The following KCNN2 variants were observed in gnomAD, a reference collection of about 807,000 sequenced individuals.
KCNN2 encodes potassium calcium-activated channel subfamily N member 2, also known as small conductance calcium-activated potassium channel protein 2.
KCNN2 carries 24 observed loss-of-function variants against 55.5 expected under a neutral mutation model. That is an observed-to-expected ratio of 0.43 (90% CI 0.31 to 0.61). The LOEUF (loss-of-function observed/expected upper bound fraction) is 0.61. Among genes scored for constraint, KCNN2 ranks in the 20% least tolerant of loss-of-function variants. The pLI is 0.08. For synonymous variants in KCNN2, 431 were observed against 336.1 expected, an observed-to-expected ratio of 1.28 and a Z score of -3.09; for missense variants, 754 against 853.6, an observed-to-expected ratio of 0.88 and a Z score of 1.45.
At chr5:114,434,314 G>A (rs932386359) in intron 3 of KCNN2, among the ~76,000 whole-genome samples, 3 of 151,666 alleles carry the variant, frequency 2.0e-5, no homozygotes, top group Admixed American at 2.0e-4. Flanking sequence ...TTGATCTCTA[G>A]CATTTCTTTT....
chr5:114,494,078 T>C (rs548141314), intron 7 of KCNN2, among the ~76,000 whole-genome samples: 1 of 152,214 alleles, frequency 6.6e-6, no homozygotes, highest in Non-Finnish European at 1.5e-5. Flanking sequence ...ATCTGATCAA[T>C]GTTTAGTTGT....
At chr5:114,089,202 T>C (rs1751084939) in intron 1 of KCNN2, among the ~76,000 whole-genome samples, 2 of 152,320 alleles carry the variant, frequency 1.3e-5, no homozygotes, top group Middle Eastern at 3.4e-3. Flanking sequence ...TGTCTTCCTT[T>C]AAAAATAGTT....
chr5:114,187,039 CATTA>C (rs1306342578), intron 1 of KCNN2, among the ~76,000 whole-genome samples: 4 of 152,096 alleles, frequency 2.6e-5, no homozygotes, highest in Non-Finnish European at 5.9e-5. Flanking sequence ...AATATATTAT[CATTA>C]ATTAAGGTTT....
chr5:114,300,253 C>G (rs1756125553), intron 2 of KCNN2, among the ~76,000 whole-genome samples: 1 of 152,160 alleles, frequency 6.6e-6, no homozygotes, highest in Non-Finnish European at 1.5e-5. Flanking sequence ...ATTGCCTCTA[C>G]TATATGTTTT....
chr5:114,233,082 G>A (rs1754396407), intron 2 of KCNN2, among the ~76,000 whole-genome samples: 2 of 145,224 alleles, frequency 1.4e-5, no homozygotes, highest in South Asian at 4.4e-4. Context: ...CACTACGCCC[G>A]GCTAATTTTT....
At chr5:114,485,904 A>G (rs1286188624) in intron 5 of KCNN2, among the ~76,000 whole-genome samples, 1 of 152,194 alleles carries the variant, frequency 6.6e-6, no homozygotes, top group African/African-American at 2.4e-5. Flanking sequence ...ACTTGGGCCC[A>G]TAGTTTAGTG....
chr5:114,387,581 G>A (rs539745257), intron 2 of KCNN2, among the ~76,000 whole-genome samples: 2 of 152,150 alleles, frequency 1.3e-5, no homozygotes, highest in Non-Finnish European at 1.5e-5. Flanking sequence ...TTGGGCTCAT[G>A]TATCACATGC....
chr5:114,165,079 T>C (rs561533206), intron 1 of KCNN2, among the ~76,000 whole-genome samples: 32 of 152,334 alleles, frequency 2.1e-4, no homozygotes, highest in African/African-American at 7.5e-4. Flanking sequence ...ATCCAAGTAG[T>C]CTGGCTTCAG....
chr5:114,309,480 G>A (rs1001515269), intron 2 of KCNN2, among the ~76,000 whole-genome samples: 1 of 152,138 alleles, frequency 6.6e-6, no homozygotes, highest in Non-Finnish European at 1.5e-5. Flanking sequence ...TGTATATGGT[G>A]AGTTTAATGT....
At chr5:114,324,268 A>G (rs1449671433) in intron 2 of KCNN2, among the ~76,000 whole-genome samples, 2 of 152,218 alleles carry the variant, frequency 1.3e-5, no homozygotes, top group Admixed American at 6.5e-5. Flanking sequence ...ACATGTGAGT[A>G]TGTTACTTTA....
intron 1 of KCNN2, among the ~76,000 whole-genome samples, chr5:114,164,748 G>A (rs1317042395): frequency 6.6e-6 from 1 of 152,090 alleles, no homozygotes; most frequent in Non-Finnish European, 1.5e-5. Flanking sequence ...CCTATAAGTT[G>A]TAGAACAACT....
At chr5:114,213,530 T>A (rs926698363) in intron 1 of KCNN2, among the ~76,000 whole-genome samples, 1 of 152,008 alleles carries the variant, frequency 6.6e-6, no homozygotes, top group African/African-American at 2.4e-5. Context: ...ATTCCTGAAA[T>A]GTCTTTATGT....
intron 3 of KCNN2, among the ~76,000 whole-genome samples, chr5:114,448,760 A>T (rs936175380): frequency 2.6e-5 from 4 of 152,226 alleles, no homozygotes; most frequent in Non-Finnish European, 4.4e-5. Flanking sequence ...GCTGGAGGCT[A>T]AGACTTCTTG....
intron 3 of KCNN2, among the ~76,000 whole-genome samples, chr5:114,446,680 C>T (rs1048912852): frequency 2.0e-5 from 3 of 152,250 alleles, no homozygotes; most frequent in South Asian, 2.1e-4. Flanking sequence ...AGGCTGGTCT[C>T]GAACTCCTGA....
chr5:114,157,834 C>A (rs1178904654), intron 1 of KCNN2, among the ~76,000 whole-genome samples: 1 of 150,194 alleles, frequency 6.7e-6, no homozygotes, highest in Non-Finnish European at 1.5e-5. Flanking sequence ...ATTTCCTTTG[C>A]CCACTTTTTG....
chr5:114,331,615 TTCAAGTACCC>T (rs1756822788), intron 2 of KCNN2, among the ~76,000 whole-genome samples: 1 of 152,222 alleles, frequency 6.6e-6, no homozygotes, highest in Admixed American at 6.5e-5. Flanking sequence ...ATCAACTGCT[TTCAAGTACCC>T]TCAAGTACTT....
chr5:114,293,924 G>A (rs1335848673), intron 2 of KCNN2, among the ~76,000 whole-genome samples: 1 of 152,120 alleles, frequency 6.6e-6, no homozygotes, highest in Non-Finnish European at 1.5e-5. Context: ...GTCTTGGGAG[G>A]GTGTATGTGT....
chr5:114,167,334 A>C (rs987365873), intron 1 of KCNN2, among the ~76,000 whole-genome samples: 16 of 152,272 alleles, frequency 1.1e-4, no homozygotes, highest in Admixed American at 1.0e-3. Flanking sequence ...GTTATACAGG[A>C]TTAATAATAG....
intron 5 of KCNN2, among the ~76,000 whole-genome samples, chr5:114,477,319 G>C (rs1435862241): frequency 1.3e-5 from 2 of 152,134 alleles, no homozygotes; most frequent in Non-Finnish European, 2.9e-5. Flanking sequence ...AACAATTTCT[G>C]TGAAAAATTA....
Sources: allele counts gnomAD v4.1 joint callset (sites outside exome capture counted in the v4.1 genomes callset), GRCh38; gene constraint gnomAD v4.1.1; transcripts MANE v1.5; gene names NCBI Gene and HGNC (gene_info 2026-07-23, HGNC 2026-07-21).